Variants in RASAL1 observed in about 807,000 individuals in gnomAD.
RASAL1 encodes the protein RAS protein activator like 1, also known as rasGAP-activating-like protein 1.
In RASAL1, 72 loss-of-function variants were observed where a neutral mutation model predicts 96.6. That is an observed-to-expected ratio of 0.75 (90% CI 0.62 to 0.91). The LOEUF (loss-of-function observed/expected upper bound fraction) is 0.91, where lower values mean the gene tolerates loss of function less well. Ranked by LOEUF, RASAL1 falls within the 40% of genes least tolerant of loss-of-function variation. RASAL1 has a pLI of 0.00. For synonymous variants in RASAL1, 405 were observed against 430.4 expected, an observed-to-expected ratio of 0.94 and a Z score of 0.73; for missense variants, 1,016 against 1,072.5, an observed-to-expected ratio of 0.95 and a Z score of 0.74.
upstream of RASAL1, chr12:113,136,173 C>A (rs1346678516): frequency 1.3e-5 from 2 of 152,254 alleles, no homozygotes; most frequent in African/African-American, 4.8e-5. Flanking sequence ...CCCTGGGGGT[C>A]CGTTCAGAGT....
Position 113,119,246 on chromosome 12 carries a change from GTCT to G in RASAL1, c.521_523del (p.Lys174del). The G allele has an allele frequency of 6.2e-7, 1 of 1,613,478 alleles. No individual in the cohort carries two copies. Among genetic ancestry groups the G allele is most frequent in the Non-Finnish European group, 8.5e-7 (1 of 1,179,456 alleles). ...CACTTCATCCCAGTGCGGGAAGCGA[GTCT>G]TCTTGATGGTCTGAGGGCGAAGGAA... On this transcript the variant is annotated inframe_deletion, in exon 7 of 21. Coordinates refer to ENST00000548055, the MANE Select transcript of RASAL1 (RefSeq NM_001301202.2).
In RASAL1 at chr12:113,130,015, G is replaced by A. The variant is rs544382358; in HGVS notation, c.122+870C>T. On this transcript the variant is annotated intron_variant, in intron 2 of 20. Transcript: ENST00000548055. The surrounding 1 kb of genome is among the most constrained non-coding windows in gnomAD (Gnocchi z 5.1). ...AGGACAGTGGAGGGGAGTCAGTGGA[G>A]GGGGGAGCTACAGCTGACCCCTCCC... Among the ~76,000 whole-genome samples the A allele has an allele frequency of 6.6e-6, 1 of 152,206 alleles. No homozygotes were observed. Among genetic ancestry groups the A allele is most frequent in the African/African-American group, 2.4e-5 (1 of 41,526 alleles).
chr12:113,117,127 G>A lies in RASAL1; in HGVS notation c.677C>T (p.Pro226Leu). The change falls in exon 8 of 21, where the codon CCA becomes CTA. Residue 226 changes from proline to leucine, a missense_variant. Transcript: ENST00000548055. ...EFSPKTLQQK[P>L]PKGWFRLLPF... ...CAGGAGGCGGAACCAGCCTTTAGGT[G>A]GCTTCTGCTGGAGGGTCTTTGGAGA... The A allele has an allele frequency of 6.2e-7, 1 of 1,609,668 alleles. No homozygotes were observed. The highest frequency in any genetic ancestry group is 1.1e-5 in the South Asian group (1 of 90,632).
rs1951063187 is a variant in RASAL1, at chr12:113,115,874, G to A, written c.849+60C>T. 7.6e-6 allele frequency: 12 copies of A among 1,571,578 alleles called. No individual in the cohort carries two copies. Among genetic ancestry groups the A allele is most frequent in the South Asian group, 1.1e-5 (1 of 87,348 alleles). On this transcript the variant is annotated intron_variant, in intron 9 of 20. Transcript: ENST00000548055. This position sits in a 1 kb window ranked among gnomAD's most constrained non-coding sequence, Gnocchi z 4.1. ...TAGATAGGGCTCCGTGAGGCAGGGG[G>A]AGGCCAGGATCCAGACCCCCGGCAC...
Position 113,114,893 on chromosome 12 carries a change from A to G in RASAL1, c.1088T>C (p.Leu363Pro). 6.2e-7 allele frequency: 1 copy of G among 1,613,972 alleles called. No individual in the cohort carries two copies. ...QFMKLVGMPY[L>P]HEVLKPVISR... The stretch of plus-strand genomic sequence containing the variant: ...AATCACAGGCTTCAGGACCTCGTGC[A>G]GGTAGGGCATGCCCACGAGCTGGGG... The change falls in exon 12 of 21, where the codon CTG becomes CCG. Residue 363 changes from leucine to proline, a missense_variant. Coordinates refer to ENST00000548055, the MANE Select transcript of RASAL1 (RefSeq NM_001301202.2).
Position 113,128,143 on chromosome 12 carries a change from C to G in RASAL1, c.158G>C (p.Trp53Ser), listed in dbSNP as rs139329607. Residue 53 changes from tryptophan to serine, a missense_variant, in exon 3 of 21, where the codon TGG becomes TCG. Coordinates refer to ENST00000548055, the MANE Select transcript of RASAL1 (RefSeq NM_001301202.2). Reference sequence around the variant, plus strand: ...CAGGTGCACCGTGTACTCCTCCCCCCAGAAGGGGCCCAGGCTCCTCCAGAC... The same window carrying G: ...CAGGTGCACCGTGTACTCCTCCCCCGAGAAGGGGCCCAGGCTCCTCCAGAC... ...ATVWRSLGPF[W>S]GEEYTVHLPL... 147 of 1,613,734 alleles carry G rather than the reference C, an allele frequency of 9.1e-5. No individual in the cohort carries two copies. Among genetic ancestry groups the G allele is most frequent in the Non-Finnish European group, 4.6e-5 (54 of 1,179,970 alleles).
intron 13 of RASAL1, among the ~76,000 whole-genome samples, chr12:113,109,062 G>A (rs1391432075): frequency 2.0e-5 from 2 of 102,440 alleles, no homozygotes; most frequent in Non-Finnish European, 4.0e-5. Flanking sequence ...TTTTTTTTTA[G>A]TAGAGATGGG....
chr12:113,107,637 T>G (rs1592897488), intron 14 of RASAL1: 1 of 404,686 alleles, frequency 2.5e-6, no homozygotes, highest in Non-Finnish European at 4.8e-6. Flanking sequence ...AAAAAATAAA[T>G]CAATAAGAAG....
chr12:113,123,738 C>G (rs1392435667), intron 4 of RASAL1, among the ~76,000 whole-genome samples: 2 of 152,188 alleles, frequency 1.3e-5, no homozygotes, highest in Non-Finnish European at 2.9e-5. Flanking sequence ...CACCTGCCAC[C>G]ATGCCCATCT....
chr12:113,107,175 G>A lies in RASAL1; in HGVS notation c.1579C>T (p.Leu527=). 2 of 1,613,550 alleles carry A rather than the reference G, an allele frequency of 1.2e-6. No individual in the cohort carries two copies. Among genetic ancestry groups the A allele is most frequent in the Non-Finnish European group, 1.7e-6 (2 of 1,179,642 alleles). The stretch of plus-strand genomic sequence containing the variant: ...ACACACTGCAGCAGGAAGGGGTGCA[G>A]GGGGGCCATCCACAGTTCCTTGCCT... ...GQGKELWMAP[L]HPFLLQCVSR... Residue 527 remains leucine (L), a synonymous_variant, in exon 15 of 21, where the codon CTG becomes TTG. Coordinates refer to ENST00000548055, the MANE Select transcript of RASAL1 (RefSeq NM_001301202.2).
In RASAL1 at chr12:113,130,793, A is replaced by G. The variant is rs1731826559; in HGVS notation, c.122+92T>C. On this transcript the variant is annotated intron_variant, in intron 2 of 20. Coordinates refer to ENST00000548055, the MANE Select transcript of RASAL1 (RefSeq NM_001301202.2). This position sits in a 1 kb window ranked among gnomAD's most constrained non-coding sequence, Gnocchi z 5.1. ...CCCGCGAGTCCCCCTCAGGGTAAGC[A>G]CTCCTTTAAATGTGAATTCTTGGTC... 3.7e-6 allele frequency: 4 copies of G among 1,081,386 alleles called. No homozygotes were observed. The highest frequency in any genetic ancestry group is 4.1e-6 in the Non-Finnish European group (3 of 738,714). The allele number at this position is 1,081,386 out of a possible 1,614,324, so 67.0% of individuals were successfully genotyped here.
chr12:113,104,209 C>G lies in RASAL1; in HGVS notation c.1920G>C (p.Val640=). The G allele has an allele frequency of 6.2e-7, 1 of 1,611,220 alleles. No individual in the cohort carries two copies. The highest frequency in any genetic ancestry group is 8.5e-7 in the Non-Finnish European group (1 of 1,179,016). The part of the protein sequence containing the change: ...AFQLPHVMQV[V]TQDGTGALHT... ...GCAGCGCCCCCGTGCCGTCCTGCGTCACCACCTGCATCACGTGGGGCAGTT... is the reference window on the plus strand; with the variant it reads ...GCAGCGCCCCCGTGCCGTCCTGCGTGACCACCTGCATCACGTGGGGCAGTT... The change falls in exon 17 of 21, where the codon GTG becomes GTC. Residue 640 remains valine (V), a synonymous_variant. Transcript: ENST00000548055.
intron 19 of RASAL1, 146 bp downstream of exon 19, chr12:113,101,743 C>T (rs867674822): frequency 1.0e-4 from 109 of 1,046,830 alleles, no homozygotes; most frequent in Middle Eastern, 7.0e-4. Flanking sequence ...ACTGTGTAGA[C>T]ACCCAGTCCC....
Position 113,101,911 on chromosome 12 carries a change from G to C in RASAL1, c.2203C>G (p.Leu735Val). The C allele has an allele frequency of 6.2e-7, 1 of 1,613,938 alleles. No homozygotes were observed. Among genetic ancestry groups the C allele is most frequent in the East Asian group, 2.2e-5 (1 of 44,876 alleles). ...AEAQTVYRQLLLGRDQLRLKL... is the reference protein window; with the variant it reads ...AEAQTVYRQLVLGRDQLRLKL... ...CACCTGAGCTGGTCCCGCCCCAGGAGCAGCTGCCGATACACTGTCTGGGCC... is the reference window on the plus strand; with the variant it reads ...CACCTGAGCTGGTCCCGCCCCAGGACCAGCTGCCGATACACTGTCTGGGCC... The change falls in exon 19 of 21, where the codon CTC becomes GTC. Residue 735 changes from leucine to valine, a missense_variant. Transcript: ENST00000548055.
intron 13 of RASAL1, among the ~76,000 whole-genome samples, chr12:113,109,972 C>G (rs2136143114): frequency 6.6e-6 from 1 of 152,356 alleles, no homozygotes; most frequent in South Asian, 2.1e-4. Flanking sequence ...AGTCCCTGCT[C>G]CAGGGCCACC....
chr12:113,100,166 G>C (rs758305386), intron 20 of RASAL1, 98 bp from the exon 21 acceptor site: 2 of 1,361,254 alleles, frequency 1.5e-6, no homozygotes, highest in Non-Finnish European at 2.0e-6. Flanking sequence ...TGTGCCTTGT[G>C]CCCTGAGAAC....
intron 13 of RASAL1, among the ~76,000 whole-genome samples, chr12:113,110,274 T>C (rs1950820734): frequency 6.6e-6 from 1 of 152,184 alleles, no homozygotes; most frequent in Admixed American, 6.5e-5. Context: ...GTGTTTTGCC[T>C]CTCTGGGCCT....
chr12:113,117,023 C>A, intron 8 of RASAL1, 50 bp downstream of exon 8: 1 of 1,435,704 alleles, frequency 7.0e-7, no homozygotes, highest in African/African-American at 1.4e-5. Flanking sequence ...GCTGTGGATG[C>A]TGCCCGGCAT....
At chr12:113,131,004 C>A in intron 1 of RASAL1, 63 bp from the exon 2 acceptor site, 1 of 1,290,068 alleles carries the variant, frequency 7.8e-7, no homozygotes. Context: ...TGGAGGGTCC[C>A]AGTCATGACA....
Sources: gnomAD v4.1 joint callset for allele counts (sites outside exome capture counted in the v4.1 genomes callset) on GRCh38, gnomAD v4.1.1 for gene constraint, Gnocchi (gnomAD v3.1) non-coding constraint, MANE v1.5 for transcripts, NCBI Gene and HGNC (gene_info 2026-07-23, HGNC 2026-07-21) for gene names.